TESK2: variants seen among roughly 807,000 people sequenced by gnomAD.
TESK2 encodes the protein testis associated actin remodelling kinase 2.
In TESK2, 39 loss-of-function variants were observed where a neutral mutation model predicts 57.1. The ratio of observed to expected loss-of-function variants is 0.68; its 90% CI spans 0.53 to 0.89. The LOEUF (loss-of-function observed/expected upper bound fraction) is 0.89, where lower values mean the gene tolerates loss of function less well. TESK2 is among the 40% of genes least tolerant of loss of function. The probability of loss-of-function intolerance (pLI) is 0.00; values close to 1 mark genes in which losing one functional copy is unlikely to be tolerated. For missense variants in TESK2, 646 were observed against 732.1 expected, an observed-to-expected ratio of 0.88 and a Z score of 1.36; for synonymous variants, 249 against 267.9, an observed-to-expected ratio of 0.93 and a Z score of 0.69.
chr1:45,358,006 TAAAAAAAAAAAAA>T (rs760610185), intron 4 of TESK2, among the ~76,000 whole-genome samples: 1 of 24,234 alleles, frequency 4.1e-5, no homozygotes, highest in Non-Finnish European at 8.7e-5. Context: ...AAACTCCGTC[TAAAAAAAAAAAAA>T]AAAAAAAAAA....
At chr1:45,364,938 T>C (rs1166360950) in intron 4 of TESK2, among the ~76,000 whole-genome samples, 2 of 152,168 alleles carry the variant, frequency 1.3e-5, no homozygotes, top group East Asian at 3.9e-4. Context: ...ACAGCCAAAT[T>C]AGTGGCTTGT....
At chr1:45,427,015 G>A (rs1018023213) in intron 2 of TESK2, among the ~76,000 whole-genome samples, 17 of 152,200 alleles carry the variant, frequency 1.1e-4, no homozygotes, top group African/African-American at 3.9e-4. Context: ...AGGCCGAGGT[G>A]GAGGATTACC....
intron 3 of TESK2, among the ~76,000 whole-genome samples, chr1:45,407,409 A>G (rs1443860604): frequency 2.6e-5 from 4 of 152,154 alleles, no homozygotes; most frequent in Non-Finnish European, 5.9e-5. Context: ...GCCAAGTACT[A>G]TATTATGATT....
At chr1:45,459,147 G>C (rs966086680) in intron 1 of TESK2, among the ~76,000 whole-genome samples, 2 of 152,150 alleles carry the variant, frequency 1.3e-5, no homozygotes, top group African/African-American at 4.8e-5. Flanking sequence ...TTTCTTTCCT[G>C]GCAATGTGCA....
At chr1:45,401,412 A>C (rs1351863805) in intron 3 of TESK2, among the ~76,000 whole-genome samples, 1 of 151,754 alleles carries the variant, frequency 6.6e-6, no homozygotes, top group South Asian at 2.1e-4. Context: ...AAATAATAAT[A>C]ATAAATAAAT....
At chr1:45,401,812 T>C (rs903662664) in intron 3 of TESK2, among the ~76,000 whole-genome samples, 4 of 152,132 alleles carry the variant, frequency 2.6e-5, no homozygotes, top group African/African-American at 9.7e-5. Context: ...AAAAAAGAAC[T>C]GCCCTTCTAC....
chr1:45,429,490 G>A lies in TESK2; in HGVS notation c.223-7644C>T, dbSNP rs76903535. 3.5e-3 allele frequency among the ~76,000 whole-genome samples: 527 copies of A among 152,138 alleles called. 7 individuals are homozygous for A. Among genetic ancestry groups the A allele is most frequent in the East Asian group, 0.031 (162 of 5,178 alleles). On this transcript the variant is annotated intron_variant, in intron 2 of 10. Coordinates refer to ENST00000372086, the MANE Select transcript of TESK2 (RefSeq NM_007170.3). ...ATGGAACATTTCAATAACAAAAGTG[G>A]CATCTTTGATCTAATCCTTCCTCAA...
intron 1 of TESK2, among the ~76,000 whole-genome samples, chr1:45,473,120 C>T (rs1186397402): frequency 2.0e-5 from 3 of 150,280 alleles, no homozygotes; most frequent in Non-Finnish European, 3.0e-5. Flanking sequence ...TGCCACTGCA[C>T]TCCCTGGCAA....
intron 4 of TESK2, among the ~76,000 whole-genome samples, chr1:45,378,842 T>G (rs142234412): frequency 2.0e-5 from 3 of 152,298 alleles, no homozygotes; most frequent in Admixed American, 6.5e-5. Flanking sequence ...ATTTTCTAAT[T>G]TACATCTTTG....
chr1:45,468,224 T>C (rs952541192), intron 1 of TESK2, among the ~76,000 whole-genome samples: 24 of 151,168 alleles, frequency 1.6e-4, no homozygotes, highest in Non-Finnish European at 2.2e-4. Flanking sequence ...TGATATTTAG[T>C]GTAGAGACCC....
At chr1:45,482,384 C>T (rs1653261900) in intron 1 of TESK2, among the ~76,000 whole-genome samples, 3 of 151,816 alleles carry the variant, frequency 2.0e-5, no homozygotes, top group South Asian at 4.2e-4. Flanking sequence ...AAAACTTATC[C>T]TGGAGTGGTG....
intron 2 of TESK2, among the ~76,000 whole-genome samples, chr1:45,441,466 C>T (rs12121377): frequency 0.064 from 9,783 of 152,012 alleles, 365 homozygotes; most frequent in Non-Finnish European, 0.091. Context: ...CGTGAGCCAC[C>T]GCACCCAGCC....
chr1:45,489,955 G>A (rs545181622), intron 1 of TESK2, among the ~76,000 whole-genome samples: 2 of 152,230 alleles, frequency 1.3e-5, no homozygotes, highest in African/African-American at 4.8e-5. Context: ...TAACACTACC[G>A]ATTCACACCA....
chr1:45,483,460 T>G lies in TESK2; in HGVS notation c.-87+7392A>C, dbSNP rs550183019. The stretch of plus-strand genomic sequence containing the variant: ...AAAATACAAAAAAATTAGTTGGGCA[T>G]GGTGGCGCACACCTGTAAACCCAGC... On this transcript the variant is annotated intron_variant, in intron 1 of 10. Coordinates refer to ENST00000372086, the MANE Select transcript of TESK2 (RefSeq NM_007170.3). Among the ~76,000 whole-genome samples the G allele has an allele frequency of 4.6e-5, 7 of 151,944 alleles. No individual in the cohort carries two copies. In the South Asian group the frequency reaches 1.5e-3, roughly 32 times the overall value.
intron 2 of TESK2, among the ~76,000 whole-genome samples, chr1:45,425,911 G>A (rs1281565595): frequency 6.6e-6 from 1 of 151,998 alleles, no homozygotes; most frequent in Non-Finnish European, 1.5e-5. Flanking sequence ...TTGGGAGGCC[G>A]AGGTGGGTGG....
intron 4 of TESK2, among the ~76,000 whole-genome samples, chr1:45,381,479 C>G (rs1056916155): frequency 2.6e-5 from 4 of 152,134 alleles, no homozygotes; most frequent in African/African-American, 7.2e-5. Flanking sequence ...TCTTGCTATT[C>G]TGGTATCATC....
At position 45,479,778 on chromosome 1, in the gene TESK2, T is replaced by TA. The variant is rs568776248; in HGVS notation, c.-87+11073dup. ...GTTTTCTTGTTCCCATCGGATAGAT[T>TA]AAAAAAATAAAGGACTGAAATGCAG... On this transcript the variant is annotated intron_variant, in intron 1 of 10. Transcript: ENST00000372086. Among the ~76,000 whole-genome samples the TA allele has an allele frequency of 1.7e-3, 256 of 150,470 alleles. 3 individuals carry two copies. The highest frequency in any genetic ancestry group is 5.5e-3 in the African/African-American group (226 of 41,074).
intron 1 of TESK2, among the ~76,000 whole-genome samples, chr1:45,480,881 A>G (rs988214672): frequency 2.0e-5 from 3 of 151,432 alleles, no homozygotes; most frequent in Admixed American, 2.0e-4. Context: ...CCAGCTACTC[A>G]GGAGGCTGAG....
chr1:45,454,813 A>G (rs1652009541), intron 2 of TESK2, among the ~76,000 whole-genome samples: 1 of 152,206 alleles, frequency 6.6e-6, no homozygotes, highest in Non-Finnish European at 1.5e-5. Context: ...AATATTAGCC[A>G]TAAAAAGGAA....
Sources: allele counts gnomAD v4.1 joint callset (sites outside exome capture counted in the v4.1 genomes callset), GRCh38; gene constraint gnomAD v4.1.1; transcripts MANE v1.5; gene names NCBI Gene and HGNC (gene_info 2026-07-23, HGNC 2026-07-21).